ABCB11: variants seen among roughly 807,000 people sequenced by gnomAD.
ABCB11 encodes ATP binding cassette subfamily B member 11, also known as bile salt export pump.
Under a neutral mutation model 148.0 loss-of-function variants are expected in ABCB11, and 95 were observed. The observed-to-expected ratio is 0.64, with a 90% CI of 0.54 to 0.76. The LOEUF is 0.76. Among genes scored for constraint, ABCB11 ranks in the 30% least tolerant of loss-of-function variants. ABCB11 has a pLI of 0.00. For missense variants in ABCB11, 1,523 were observed against 1,617.8 expected, an observed-to-expected ratio of 0.94 and a Z score of 1.01; for synonymous variants, 591 against 555.4, an observed-to-expected ratio of 1.06 and a Z score of -0.90.
chr2:169,020,753 T>C (rs552973988), intron 1 of ABCB11, among the ~76,000 whole-genome samples: 7 of 151,788 alleles, frequency 4.6e-5, no homozygotes, highest in Non-Finnish European at 7.4e-5. Flanking sequence ...GAATGAGGAG[T>C]GACTGGTAAC....
chr2:168,956,932 T>G (rs1160988316), intron 19 of ABCB11, among the ~76,000 whole-genome samples: 1 of 151,678 alleles, frequency 6.6e-6, no homozygotes, highest in Admixed American at 6.6e-5. Context: ...CTTGTGGCTC[T>G]CAGGCAGTCC....
intron 9 of ABCB11, 70 bp downstream of exon 9, chr2:168,990,731 A>T (rs993622409): frequency 1.9e-6 from 3 of 1,594,944 alleles, no homozygotes; most frequent in Non-Finnish European, 1.7e-6. Flanking sequence ...CGCTTTGCAC[A>T]AACTGAGAGA....
At chr2:168,917,835 C>G (rs1168185923), downstream of ABCB11, among the ~76,000 whole-genome samples, 1 of 152,174 alleles carries the variant, frequency 6.6e-6, no homozygotes, top group Non-Finnish European at 1.5e-5. Flanking sequence ...ATAGTAGCCA[C>G]TAGTGGCTCT....
chr2:168,986,721 A>C (rs1322710465), intron 9 of ABCB11, among the ~76,000 whole-genome samples: 1 of 152,142 alleles, frequency 6.6e-6, no homozygotes, highest in African/African-American at 2.4e-5. Flanking sequence ...TAGTGTTTGC[A>C]CCAACTCATC....
At chr2:169,002,839 A>C (rs966588003) in intron 5 of ABCB11, among the ~76,000 whole-genome samples, 5 of 152,228 alleles carry the variant, frequency 3.3e-5, no homozygotes, top group Non-Finnish European at 5.9e-5. Flanking sequence ...AATAAGTTCA[A>C]GAAATTTACT....
intron 19 of ABCB11, among the ~76,000 whole-genome samples, chr2:168,949,491 A>G (rs1346740001): frequency 6.6e-6 from 1 of 151,596 alleles, no homozygotes. Context: ...ACTTAGGGTA[A>G]TGTCCTCCAG....
intron 14 of ABCB11, chr2:168,970,539 G>A: frequency 2.3e-6 from 1 of 425,792 alleles, no homozygotes; most frequent in Non-Finnish European, 4.3e-6. Context: ...GAGGATTAAA[G>A]CACAGAGCAA....
intron 5 of ABCB11, among the ~76,000 whole-genome samples, chr2:169,007,855 G>T (rs967151575): frequency 6.6e-6 from 1 of 152,158 alleles, no homozygotes; most frequent in Non-Finnish European, 1.5e-5. Context: ...CCCAAAGAAT[G>T]AGAGAAATTG....
At chr2:169,003,250 C>T (rs920591865) in intron 5 of ABCB11, among the ~76,000 whole-genome samples, 1 of 151,844 alleles carries the variant, frequency 6.6e-6, no homozygotes, top group Non-Finnish European at 1.5e-5. Context: ...GAATAATAGT[C>T]TCCAATTCCA....
intron 19 of ABCB11, among the ~76,000 whole-genome samples, chr2:168,949,084 T>C (rs939321513): frequency 6.6e-6 from 1 of 151,682 alleles, no homozygotes; most frequent in African/African-American, 2.4e-5. Flanking sequence ...CCCCATCACC[T>C]TGTACAAGTT....
Position 168,935,335 on chromosome 2 carries a change from T to C in ABCB11, c.2905A>G (p.Lys969Glu), listed in dbSNP as rs886055063. Residue 969 changes from lysine (K) to glutamate (E), a missense_variant, in exon 23 of 28, where the codon AAG becomes GAG. Transcript: ENST00000650372. ...TTCTGAATGGCTGTCTTGAAGGGCT[T>C]CTCCAGCTCAGTCTCAAGTGCTTCA... ...FIEALETELE[K>E]PFKTAIQKAN... is the part of the protein sequence containing the mutation. 1 of 1,614,052 alleles carries C rather than the reference T, an allele frequency of 6.2e-7. No individual in the cohort carries two copies. The highest frequency in any genetic ancestry group is 1.1e-5 in the South Asian group (1 of 91,080).
At chr2:168,984,190 C>T (rs73018770) in intron 10 of ABCB11, among the ~76,000 whole-genome samples, 5,313 of 152,148 alleles carry the variant, frequency 0.035, 156 homozygotes, top group African/African-American at 0.079. Context: ...CCTTCCTGGA[C>T]CCCCGCCACA....
At chr2:168,954,889 T>C (rs1484888033) in intron 19 of ABCB11, among the ~76,000 whole-genome samples, 2 of 151,732 alleles carry the variant, frequency 1.3e-5, no homozygotes, top group Non-Finnish European at 1.5e-5. Flanking sequence ...ATTTAGTCCA[T>C]GTTCAGTCCC....
At chr2:168,924,898 ATTTG>A in intron 26 of ABCB11, 95 bp from the exon 27 acceptor site, 1 of 1,089,478 alleles carries the variant, frequency 9.2e-7, no homozygotes, top group Non-Finnish European at 1.3e-6. Context: ...AATTTAAATT[ATTTG>A]TTTGTTGAAC....
intron 5 of ABCB11, among the ~76,000 whole-genome samples, chr2:168,996,975 T>G (rs1162165956): frequency 6.6e-6 from 1 of 151,844 alleles, no homozygotes; most frequent in African/African-American, 2.4e-5. Flanking sequence ...GCATATCCCC[T>G]TCATTTTTAT....
Position 168,930,799 on chromosome 2 carries a change from A to G in ABCB11, c.3277T>C (p.Ser1093Pro), listed in dbSNP as rs953658667. The G allele has an allele frequency of 8.1e-6, 13 of 1,613,174 alleles. No individual in the cohort carries two copies. In the African/African-American group the frequency reaches 1.7e-4, roughly 22 times the overall value. Residue 1093 changes from serine to proline, a missense_variant, in exon 25 of 28, where the codon TCG becomes CCG. Coordinates refer to ENST00000650372, the MANE Select transcript of ABCB11 (RefSeq NM_003742.4). ...CKFTYPSRPD[S>P]QVLNGLSVSI... Reference sequence around the variant, plus strand: ...ACTGAGAGACCATTCAGAACTTGCGAGTCAGGTCGAGAAGGATATGTAAAT... The same window carrying G: ...ACTGAGAGACCATTCAGAACTTGCGGGTCAGGTCGAGAAGGATATGTAAAT...
intron 13 of ABCB11, 83 bp from the exon 14 acceptor site, chr2:168,972,133 G>T: frequency 7.6e-7 from 1 of 1,312,414 alleles, no homozygotes. Context: ...TTGACCAATG[G>T]GCAGAAAAAA....
In ABCB11 at chr2:169,009,754, G is replaced by A. The variant is rs1695126377; in HGVS notation, c.389+3518C>T. Among the ~76,000 whole-genome samples, 3 of 151,728 alleles carry A rather than the reference G, an allele frequency of 2.0e-5. No homozygotes were observed. The South Asian group carries it at 6.2e-4, about 32-fold the overall frequency. On this transcript the variant is annotated intron_variant, in intron 5 of 27. Transcript: ENST00000650372. ...TAAAAAAAAGGAAAAAAAAGAAAATGTTCTAAAATTGACTGTGGCAGTGAA... is the reference window on the plus strand; with the variant it reads ...TAAAAAAAAGGAAAAAAAAGAAAATATTCTAAAATTGACTGTGGCAGTGAA...
chr2:168,997,427 G>C (rs1694751463), intron 5 of ABCB11, among the ~76,000 whole-genome samples: 1 of 151,984 alleles, frequency 6.6e-6, no homozygotes, highest in Non-Finnish European at 1.5e-5. Context: ...AAAATACTTT[G>C]GCATTTTTCC....
Sources: allele counts gnomAD v4.1 joint callset (sites outside exome capture counted in the v4.1 genomes callset), GRCh38; gene constraint gnomAD v4.1.1; transcripts MANE v1.5; gene names NCBI Gene and HGNC (gene_info 2026-07-23, HGNC 2026-07-21).